The following SETBP1 variants were observed in gnomAD, a reference collection of about 807,000 sequenced individuals.
The protein encoded by SETBP1 is SET-binding protein.
In SETBP1, 9 loss-of-function variants were observed where a neutral mutation model predicts 101.0. The ratio of observed to expected loss-of-function variants is 0.09; its 90% CI spans 0.05 to 0.16. The LOEUF is 0.16. Among genes scored for constraint, SETBP1 ranks in the 10% least tolerant of loss-of-function variants. The pLI, the probability that SETBP1 is intolerant of heterozygous loss-of-function variation, is 1.00. For missense variants in SETBP1, 1,858 were observed against 2,033.8 expected (o/e 0.91, Z 1.66); for synonymous variants, 818 against 788.5 (o/e 1.04, Z -0.63).
At chr18:44,875,966 G>A (rs899293227) in intron 3 of SETBP1, among the ~76,000 whole-genome samples, 7 of 152,180 alleles carry the variant, frequency 4.6e-5, no homozygotes, top group Non-Finnish European at 8.8e-5. Context: ...AGGACAAGTG[G>A]CTGCACCTTC....
chr18:44,956,083 C>T (rs1045183393), intron 4 of SETBP1, among the ~76,000 whole-genome samples: 5 of 152,146 alleles, frequency 3.3e-5, no homozygotes, highest in Non-Finnish European at 5.9e-5. Flanking sequence ...TTTCCCAGAA[C>T]TTTAATGAAT....
At chr18:45,000,786 T>G (rs2072600303) in intron 4 of SETBP1, among the ~76,000 whole-genome samples, 2 of 81,556 alleles carry the variant, frequency 2.5e-5, no homozygotes, top group Admixed American at 3.1e-4. Flanking sequence ...TCAACGGGAA[T>G]GCACACAACA....
At chr18:45,023,253 A>G (rs1274019077) in intron 4 of SETBP1, among the ~76,000 whole-genome samples, 1 of 152,250 alleles carries the variant, frequency 6.6e-6, no homozygotes, top group Non-Finnish European at 1.5e-5. Flanking sequence ...TTGTGCTAGA[A>G]TATGCTAGTT....
intron 2 of SETBP1, among the ~76,000 whole-genome samples, chr18:44,754,022 C>A (rs1418693111): frequency 6.6e-6 from 1 of 152,204 alleles, no homozygotes; most frequent in Non-Finnish European, 1.5e-5. Flanking sequence ...CTGTAATACT[C>A]TCTCCTTGCA....
At chr18:44,764,246 C>T (rs940427516) in intron 2 of SETBP1, among the ~76,000 whole-genome samples, 5 of 152,232 alleles carry the variant, frequency 3.3e-5, no homozygotes, top group African/African-American at 1.2e-4. Flanking sequence ...GTCTCAAGCA[C>T]TTGGCTTTTG....
chr18:44,844,353 GCACACA>G (rs35801562), intron 2 of SETBP1, among the ~76,000 whole-genome samples: 1 of 138,184 alleles, frequency 7.2e-6, no homozygotes, highest in East Asian at 2.2e-4. Flanking sequence ...ACACACGCGC[GCACACA>G]CACACACACA....
intron 4 of SETBP1, among the ~76,000 whole-genome samples, chr18:44,955,979 A>G (rs1310673807): frequency 6.6e-6 from 1 of 152,182 alleles, no homozygotes; most frequent in African/African-American, 2.4e-5. Context: ...GACACCATGG[A>G]CAGAGCTTCC....
At chr18:44,879,046 G>A (rs16978217) in intron 3 of SETBP1, among the ~76,000 whole-genome samples, 13,708 of 152,220 alleles carry the variant, frequency 0.09, 739 homozygotes, top group East Asian at 0.15. Flanking sequence ...CTAAAAATAT[G>A]CACCAGAGTT....
chr18:44,924,513 CTTTATTA>C (rs1568218992), intron 3 of SETBP1, among the ~76,000 whole-genome samples: 1 of 152,062 alleles, frequency 6.6e-6, no homozygotes, highest in Non-Finnish European at 1.5e-5. Context: ...ATATTAGCCA[CTTTATTA>C]TTTATTATAT....
At chr18:44,979,709 ACT>A (rs1229371659) in intron 4 of SETBP1, among the ~76,000 whole-genome samples, 1 of 152,162 alleles carries the variant, frequency 6.6e-6, no homozygotes, top group Non-Finnish European at 1.5e-5. Context: ...ATCACAAATA[ACT>A]CTTACATATG....
At chr18:44,924,119 A>G (rs1359340262) in intron 3 of SETBP1, among the ~76,000 whole-genome samples, 1 of 152,160 alleles carries the variant, frequency 6.6e-6, no homozygotes, top group African/African-American at 2.4e-5. Flanking sequence ...AAGATGGCCC[A>G]GTTGTAGATG....
chr18:44,954,038 T>G lies in SETBP1; in HGVS notation c.4000+698T>G, dbSNP rs140853024. ...ATGTGCCTCCTGCTTCCAGCAGACC[T>G]TATAACTGTGTCTCTTTGCATGCCC... On this transcript the variant is annotated intron_variant, in intron 4 of 5. Transcript: ENST00000649279. 9.9e-5 allele frequency among the ~76,000 whole-genome samples: 15 copies of G among 152,284 alleles called. No individual in the cohort carries two copies. The East Asian group carries it at 2.9e-3, about 29-fold the overall frequency.
intron 2 of SETBP1, among the ~76,000 whole-genome samples, chr18:44,852,427 G>T (rs989626887): frequency 6.6e-6 from 1 of 152,208 alleles, no homozygotes; most frequent in Non-Finnish European, 1.5e-5. Flanking sequence ...ATGAAGCTGG[G>T]TGTGCAGCCA....
chr18:44,888,930 G>A (rs943591129), intron 3 of SETBP1, among the ~76,000 whole-genome samples: 64 of 152,090 alleles, frequency 4.2e-4, no homozygotes, highest in African/African-American at 1.5e-3. Context: ...CATGTAAAGT[G>A]TAGTATCAAA....
At chr18:44,803,434 CATCTG>C (rs1449385644) in intron 2 of SETBP1, among the ~76,000 whole-genome samples, 1 of 152,118 alleles carries the variant, frequency 6.6e-6, no homozygotes, top group East Asian at 1.9e-4. Flanking sequence ...CACAGGATTG[CATCTG>C]ATAGCCAGGA....
At chr18:44,830,770 C>T (rs575149762) in intron 2 of SETBP1, among the ~76,000 whole-genome samples, 8 of 152,094 alleles carry the variant, frequency 5.3e-5, no homozygotes, top group Non-Finnish European at 1.0e-4. Flanking sequence ...CATTCTGTTG[C>T]ACGAAGACTG....
At chr18:44,888,729 T>C (rs1334089439) in intron 3 of SETBP1, among the ~76,000 whole-genome samples, 1 of 151,980 alleles carries the variant, frequency 6.6e-6, no homozygotes, top group Non-Finnish European at 1.5e-5. Flanking sequence ...ACCCAGGGGT[T>C]TAGAGAATGG....
chr18:44,750,896 A>T (rs1171315355), intron 2 of SETBP1, among the ~76,000 whole-genome samples: 1 of 152,220 alleles, frequency 6.6e-6, no homozygotes, highest in African/African-American at 2.4e-5. Flanking sequence ...ATAGGAGACC[A>T]CTGTGGGCCA....
chr18:44,977,473 C>G (rs1054278073), intron 4 of SETBP1, among the ~76,000 whole-genome samples: 5 of 152,220 alleles, frequency 3.3e-5, no homozygotes, highest in African/African-American at 9.7e-5. Flanking sequence ...TGGGGAAATG[C>G]TTTTTGATGG....
Sources: allele counts gnomAD v4.1 joint callset (sites outside exome capture counted in the v4.1 genomes callset), GRCh38; gene constraint gnomAD v4.1.1; transcripts MANE v1.5; gene names NCBI Gene and HGNC (gene_info 2026-07-23, HGNC 2026-07-21).